Variants in APBB2 observed in about 807,000 individuals in gnomAD.
APBB2 encodes the protein amyloid beta precursor protein binding family B member 2, also known as Fe65-like 1.
Under a neutral mutation model 82.5 loss-of-function variants are expected in APBB2, and 38 were observed. The ratio of observed to expected loss-of-function variants is 0.46; its 90% confidence interval spans 0.36 to 0.60. The LOEUF (loss-of-function observed/expected upper bound fraction) is 0.60, where lower values mean the gene tolerates loss of function less well. APBB2 is among the 20% of genes least tolerant of loss of function. The pLI is 0.00. For missense variants in APBB2, 772 were observed against 972.3 expected (o/e 0.79, Z 2.74); for synonymous variants, 341 against 368.2 (o/e 0.93, Z 0.85).
intron 10 of APBB2, among the ~76,000 whole-genome samples, chr4:40,921,837 G>A (rs1259957348): frequency 6.6e-6 from 1 of 152,212 alleles, no homozygotes; most frequent in Non-Finnish European, 1.5e-5. Context: ...AGCTTTGCTA[G>A]AGACAAGGGT....
At chr4:41,032,425 C>A (rs886238168) in intron 5 of APBB2, among the ~76,000 whole-genome samples, 1 of 151,354 alleles carries the variant, frequency 6.6e-6, no homozygotes, top group African/African-American at 2.4e-5. Flanking sequence ...AAGGGATGCA[C>A]AATAAAATTA....
chr4:41,073,314 C>T (rs1734516813), intron 3 of APBB2, among the ~76,000 whole-genome samples: 1 of 152,166 alleles, frequency 6.6e-6, no homozygotes. Flanking sequence ...TTCTTAACAA[C>T]TTCCTATCTA....
chr4:41,124,158 T>A (rs182244872), intron 2 of APBB2, among the ~76,000 whole-genome samples: 1 of 152,366 alleles, frequency 6.6e-6, no homozygotes, highest in Admixed American at 6.5e-5. Context: ...ATTTCTATAA[T>A]TTTCAGCTGT....
At chr4:40,843,108 C>G (rs1450840923) in intron 12 of APBB2, among the ~76,000 whole-genome samples, 1 of 152,206 alleles carries the variant, frequency 6.6e-6, no homozygotes, top group African/African-American at 2.4e-5. Flanking sequence ...CCATGGTGCT[C>G]ACACCATTCC....
chr4:41,201,924 C>CTTGGTGTCA (rs1776794103), intron 1 of APBB2, among the ~76,000 whole-genome samples: 1 of 152,186 alleles, frequency 6.6e-6, no homozygotes, highest in African/African-American at 2.4e-5. Context: ...GGATGAGTAG[C>CTTGGTGTCA]TTGGTGTCAA....
chr4:41,185,090 C>T (rs560637262), intron 1 of APBB2, among the ~76,000 whole-genome samples: 1 of 152,280 alleles, frequency 6.6e-6, no homozygotes, highest in South Asian at 2.1e-4. Context: ...CCTAAAATGG[C>T]ACCTCGCAGG....
Position 40,826,938 on chromosome 4 carries a change from T to C in APBB2, c.1732+194A>G. 1 of 535,664 alleles carries C rather than the reference T, an allele frequency of 1.9e-6. No homozygotes were observed. The highest frequency in any genetic ancestry group is 1.9e-5 in the African/African-American group (1 of 51,772). 33.2% of individuals were successfully genotyped at this position (535,664 alleles called of 1,614,324 possible). On this transcript the variant is annotated intron_variant, in intron 14 of 17. Coordinates refer to ENST00000508593, the MANE Select transcript of APBB2 (RefSeq NM_004307.2). The surrounding 1 kb of genome is among the most constrained non-coding windows in gnomAD (Gnocchi z 4.5). ...CAATAACAACAAAACTCATCCTGGCTTTATGCCTAACCCTAGTGATGCAAA... is the reference window on the plus strand; with the variant it reads ...CAATAACAACAAAACTCATCCTGGCCTTATGCCTAACCCTAGTGATGCAAA...
chr4:41,017,215 A>G lies in APBB2; in HGVS notation c.20-2817T>C, dbSNP rs148443190. Among the ~76,000 whole-genome samples, 45 of 152,316 alleles carry G rather than the reference A, an allele frequency of 3.0e-4. No individual in the cohort carries two copies. The East Asian group carries it at 7.7e-3, about 26-fold the overall frequency. Reference sequence around the variant, plus strand: ...CCCAGCCTGTATATGTTGTTTTTATATATCAAAGCCTGAACACAGTTTGAG... The same window carrying G: ...CCCAGCCTGTATATGTTGTTTTTATGTATCAAAGCCTGAACACAGTTTGAG... On this transcript the variant is annotated intron_variant, in intron 5 of 17. Coordinates refer to ENST00000508593, the MANE Select transcript of APBB2 (RefSeq NM_004307.2).
At chr4:41,034,119 T>C (rs1718178261) in intron 4 of APBB2, among the ~76,000 whole-genome samples, 1 of 152,240 alleles carries the variant, frequency 6.6e-6, no homozygotes, top group Non-Finnish European at 1.5e-5. Context: ...TGGATCCCAC[T>C]GCTCGGCAAT....
chr4:40,813,052 G>A lies in APBB2; in HGVS notation c.*3040C>T, dbSNP rs1744733387. 6.6e-6 allele frequency: 1 copy of A among 152,226 alleles called. No homozygotes were observed. 9.4% of individuals were successfully genotyped at this position (152,226 alleles called of 1,614,324 possible). A position where few individuals can be genotyped will look rare whatever the true frequency, so the allele number is the denominator to read the frequency against. On this transcript the variant is annotated 3_prime_UTR_variant, in exon 18 of 18. Transcript: ENST00000508593. The stretch of plus-strand genomic sequence containing the variant: ...TCGTTCCCCTTGATGTTGCCAAGGA[G>A]CAGATGTATGAGGTGGCAAGTCTGT...
intron 1 of APBB2, among the ~76,000 whole-genome samples, chr4:41,180,764 T>G (rs894751544): frequency 6.6e-6 from 1 of 152,208 alleles, no homozygotes; most frequent in Non-Finnish European, 1.5e-5. Context: ...TTACCTTGAT[T>G]GTCTACAAGG....
chr4:41,109,140 C>A (rs1175777508), intron 2 of APBB2, among the ~76,000 whole-genome samples: 1 of 152,134 alleles, frequency 6.6e-6, no homozygotes, highest in Non-Finnish European at 1.5e-5. Flanking sequence ...ATGGTTCTCG[C>A]TGTAATCCCG....
chr4:41,131,183 C>G (rs530116207), intron 2 of APBB2, among the ~76,000 whole-genome samples: 8 of 152,328 alleles, frequency 5.3e-5, no homozygotes, highest in African/African-American at 1.9e-4. Flanking sequence ...CATTCCTGAA[C>G]AGCAGAAGCG....
chr4:41,087,437 T>C (rs1740157764), intron 3 of APBB2, among the ~76,000 whole-genome samples: 1 of 152,174 alleles, frequency 6.6e-6, no homozygotes, highest in South Asian at 2.1e-4. Flanking sequence ...CATATTTTTT[T>C]CTTTTCTTTT....
intron 2 of APBB2, among the ~76,000 whole-genome samples, chr4:41,105,761 C>T (rs1052583340): frequency 2.0e-5 from 3 of 152,024 alleles, no homozygotes; most frequent in Non-Finnish European, 4.4e-5. Flanking sequence ...TAGCGGGCGC[C>T]TGTAGTCCCA....
At chr4:41,056,491 A>C (rs1727902329) in intron 4 of APBB2, among the ~76,000 whole-genome samples, 1 of 152,198 alleles carries the variant, frequency 6.6e-6, no homozygotes, top group African/African-American at 2.4e-5. Context: ...CTGACTGCAC[A>C]CATCTTTACC....
chr4:41,037,807 TAA>T (rs1238336274), intron 4 of APBB2, among the ~76,000 whole-genome samples: 2 of 151,968 alleles, frequency 1.3e-5, no homozygotes, highest in Non-Finnish European at 2.9e-5. Context: ...ATTACGAGGT[TAA>T]GAGTTCAAGA....
intron 17 of APBB2, among the ~76,000 whole-genome samples, chr4:40,820,017 A>G (rs767361659): frequency 3.3e-5 from 5 of 152,202 alleles, no homozygotes; most frequent in Non-Finnish European, 7.3e-5. Flanking sequence ...AGCACTTTCT[A>G]CACTGTAACA....
intron 2 of APBB2, among the ~76,000 whole-genome samples, chr4:41,138,961 T>C (rs1236185997): frequency 2.0e-5 from 3 of 152,142 alleles, no homozygotes; most frequent in African/African-American, 7.2e-5. Flanking sequence ...TTGAAAATAA[T>C]TACTTTCTTA....
Sources: allele counts gnomAD v4.1 joint callset (sites outside exome capture counted in the v4.1 genomes callset), GRCh38; gene constraint gnomAD v4.1.1; non-coding constraint Gnocchi (gnomAD v3.1); transcripts MANE v1.5; gene names NCBI Gene and HGNC (gene_info 2026-07-23, HGNC 2026-07-21).